SCN7A: variants seen among roughly 807,000 people sequenced by gnomAD.
The protein encoded by SCN7A is sodium voltage-gated channel alpha subunit 7, also known as sodium channel protein type 7 subunit alpha.
SCN7A carries 138 observed loss-of-function variants against 155.2 expected under a neutral mutation model. That is an observed-to-expected ratio of 0.89 (90% CI 0.77 to 1.02). The LOEUF is 1.02. SCN7A is among the 50% of genes least tolerant of loss of function. The probability of loss-of-function intolerance (pLI) is 0.00; values close to 1 mark genes in which losing one functional copy is unlikely to be tolerated. For missense variants in SCN7A, 2,058 were observed against 1,986.6 expected (o/e 1.04, Z -0.68); for synonymous variants, 693 against 649.0 (o/e 1.07, Z -1.03).
At chr2:166,447,785 G>A in intron 11 of SCN7A, 77 bp from the exon 12 acceptor site, 1 of 927,170 alleles carries the variant, frequency 1.1e-6, no homozygotes, top group Non-Finnish European at 1.7e-6. Flanking sequence ...GCACAGCCTT[G>A]CTAAAAATGC....
In SCN7A at chr2:166,473,902, A is replaced by G; in HGVS notation, c.354-14T>C. 7.5e-7 allele frequency: 1 copy of G among 1,339,242 alleles called. No homozygotes were observed. The highest frequency in any genetic ancestry group is 1.1e-6 in the Non-Finnish European group (1 of 945,642). 83.0% of individuals were successfully genotyped at this position (1,339,242 alleles called of 1,614,324 possible). A position where few individuals can be genotyped will look rare whatever the true frequency, so the allele number is the denominator to read the frequency against. The stretch of plus-strand genomic sequence containing the variant: ...AGTTGGAAAAAGGTAGCTTATAGTC[A>G]AGGAATAATAGTTAATAAATAATAT... On this transcript the variant is annotated splice_polypyrimidine_tract_variant and intron_variant, in intron 4 of 25. Transcript: ENST00000643258.
At chr2:166,446,093 C>G (rs58557578) in intron 12 of SCN7A, among the ~76,000 whole-genome samples, 1 of 152,044 alleles carries the variant, frequency 6.6e-6, no homozygotes, top group Non-Finnish European at 1.5e-5. Context: ...AACAGACAAC[C>G]TACAGAATGG....
At position 166,409,815 on chromosome 2, in the gene SCN7A, G is replaced by T. The variant is rs1468870107; in HGVS notation, c.3832C>A (p.Gln1278Lys). Reference sequence around the variant, plus strand: ...ATCCAGTAGAGAGCAATGGACATTTGTAGACTCTGAACATCAGTGTCTATC... The same window carrying T: ...ATCCAGTAGAGAGCAATGGACATTTTTAGACTCTGAACATCAGTGTCTATC... ...MMIDTDVQSL[Q>K]MSIALYWINS... The change falls in exon 25 of 26, where the codon CAA becomes AAA. Residue 1278 changes from glutamine to lysine, a missense_variant. By Grantham distance (53) the Gln-to-Lys change is moderately conservative (BLOSUM62 1). Coordinates refer to ENST00000643258, the MANE Select transcript of SCN7A (RefSeq NM_002976.4). 1.9e-6 allele frequency: 3 copies of T among 1,573,142 alleles called. No individual in the cohort carries two copies. Among genetic ancestry groups the T allele is most frequent in the East Asian group, 2.3e-5 (1 of 43,264 alleles).
intron 12 of SCN7A, among the ~76,000 whole-genome samples, chr2:166,445,569 T>C (rs1702045594): frequency 6.6e-6 from 1 of 151,886 alleles, no homozygotes; most frequent in Non-Finnish European, 1.5e-5. Flanking sequence ...ACCCACTTTC[T>C]CAGCAGGAGC....
intron 21 of SCN7A, chr2:166,414,844 T>TGTAGGATATATAATATATA: frequency 5.4e-5 from 7 of 130,772 alleles, no homozygotes; most frequent in African/African-American, 2.0e-4. Flanking sequence ...ATATATAATA[T>TGTAGGATATATAATATATA]ATAGGATATA....
chr2:166,427,723 G>A, intron 18 of SCN7A, 65 bp downstream of exon 18: 3 of 1,436,668 alleles, frequency 2.1e-6, no homozygotes, highest in Non-Finnish European at 2.8e-6. Context: ...TTGACTTTCT[G>A]AATTAACAGA....
intron 18 of SCN7A, among the ~76,000 whole-genome samples, chr2:166,427,424 T>C (rs1701647354): frequency 6.6e-6 from 1 of 152,078 alleles, no homozygotes; most frequent in Non-Finnish European, 1.5e-5. Context: ...AGTACAAGCA[T>C]ATTATAGCAG....
At chr2:166,416,182 C>G (rs1163051182) in intron 21 of SCN7A, among the ~76,000 whole-genome samples, 1 of 152,108 alleles carries the variant, frequency 6.6e-6, no homozygotes, top group Non-Finnish European at 1.5e-5. Flanking sequence ...AGGTTCTCTG[C>G]TCTCGAACCC....
chr2:166,465,501 T>C lies in SCN7A; in HGVS notation c.902A>G (p.Glu301Gly). Residue 301 changes from glutamate (E) to glycine (G), a missense_variant, in exon 9 of 26, where the codon GAA becomes GGA. Transcript: ENST00000643258. Reference protein sequence around the residue: ...ETENFYYLEGERYALLCGNRT... With the variant: ...ETENFYYLEGGRYALLCGNRT... ...GTTGCCACAAAGGAGAGCATATCTTTCTCCTTCCAAATAATAAAAGTTTTC... is the reference window on the plus strand; with the variant it reads ...GTTGCCACAAAGGAGAGCATATCTTCCTCCTTCCAAATAATAAAAGTTTTC... 1 of 1,608,714 alleles carries C rather than the reference T, an allele frequency of 6.2e-7. No homozygotes were observed. The highest frequency in any genetic ancestry group is 1.7e-5 in the Admixed American group (1 of 59,418).
intron 25 of SCN7A, among the ~76,000 whole-genome samples, chr2:166,407,871 C>G (rs1286308099): frequency 1.3e-5 from 2 of 152,062 alleles, no homozygotes; most frequent in East Asian, 3.9e-4. Flanking sequence ...TCCTTCCCCT[C>G]ACGCCCCACC....
At chr2:166,421,338 A>G (rs1323791359) in intron 19 of SCN7A, 41 bp from the exon 20 acceptor site, 3 of 1,088,234 alleles carry the variant, frequency 2.8e-6, no homozygotes, top group South Asian at 1.8e-5. Flanking sequence ...AGGATTCCAT[A>G]TTAATCAAAA....
intron 18 of SCN7A, 50 bp downstream of exon 18, chr2:166,427,738 T>A: frequency 1.3e-6 from 2 of 1,524,598 alleles, no homozygotes; most frequent in Non-Finnish European, 1.8e-6. Flanking sequence ...AACAGAATCA[T>A]GATACATTTG....
At position 166,444,650 on chromosome 2, in the gene SCN7A, T is replaced by C. The variant is rs772251019; in HGVS notation, c.1626+112A>G. On this transcript the variant is annotated intron_variant, in intron 13 of 25. Transcript: ENST00000643258. The stretch of plus-strand genomic sequence containing the variant: ...ATGCTTCATTCAATAATAATGCATA[T>C]TGCAACATATTGGAGTTACAGAATA... 4.1e-5 allele frequency: 27 copies of C among 652,954 alleles called. No homozygotes were observed. In the Middle Eastern group the frequency reaches 1.3e-3, roughly 31 times the overall value. 40.4% of individuals were successfully genotyped at this position (652,954 alleles called of 1,614,324 possible). A position where few individuals can be genotyped will look rare whatever the true frequency, so the allele number is the denominator to read the frequency against.
rs760510987 is a variant in SCN7A, at chr2:166,441,485, C to G, written c.2068G>C (p.Val690Leu). The change falls in exon 15 of 26, where the codon GTA becomes CTA. Residue 690 changes from valine to leucine, a missense_variant. By Grantham distance (32) the Val-to-Leu change is conservative. Coordinates refer to ENST00000643258, the MANE Select transcript of SCN7A (RefSeq NM_002976.4). ...NVFRILCGEW[V>L]ETLWDCMEVA... ...TCCATACAGTCCCACAAGGTCTCTA[C>G]CCACTCTCCACAGAGAATTCGGAAC... The G allele has an allele frequency of 1.9e-6, 3 of 1,614,040 alleles. No homozygotes were observed. Among genetic ancestry groups the G allele is most frequent in the Non-Finnish European group, 2.5e-6 (3 of 1,179,956 alleles).
intron 15 of SCN7A, among the ~76,000 whole-genome samples, chr2:166,436,935 G>C (rs956793128): frequency 2.6e-5 from 4 of 152,146 alleles, no homozygotes; most frequent in Admixed American, 1.3e-4. Context: ...TCAAGAAGCA[G>C]AGCATAAAAA....
intron 15 of SCN7A, chr2:166,441,035 C>T (rs1322786281): frequency 1.1e-5 from 4 of 348,552 alleles, no homozygotes; most frequent in Non-Finnish European, 2.0e-5. Flanking sequence ...CTGGAATTTT[C>T]CACTGGATGT....
intron 2 of SCN7A, among the ~76,000 whole-genome samples, chr2:166,482,655 A>G (rs1702955302): frequency 6.6e-6 from 1 of 151,934 alleles, no homozygotes; most frequent in East Asian, 1.9e-4. Flanking sequence ...CACTTATCCC[A>G]GAAGATTATT....
intron 5 of SCN7A, 142 bp downstream of exon 5, chr2:166,473,657 T>C (rs1702708310): frequency 4.3e-6 from 1 of 234,184 alleles, no homozygotes; most frequent in Non-Finnish European, 8.4e-6. Context: ...ACTGAAATAT[T>C]ATCTTAATCA....
At chr2:166,488,354 A>G (rs925735603) in intron 1 of SCN7A, among the ~76,000 whole-genome samples, 5 of 152,080 alleles carry the variant, frequency 3.3e-5, no homozygotes, top group Admixed American at 2.6e-4. Context: ...TGCTTTTTTT[A>G]ATTTTTATGG....
Sources: gnomAD v4.1 joint callset for allele counts (sites outside exome capture counted in the v4.1 genomes callset) on GRCh38, gnomAD v4.1.1 for gene constraint, MANE v1.5 for transcripts, NCBI Gene and HGNC (gene_info 2026-07-23, HGNC 2026-07-21) for gene names.